Variants in ANKRD36C observed in about 807,000 individuals in gnomAD.
ANKRD36C encodes ankyrin repeat domain-containing protein 36C.
Under a neutral mutation model 276.4 loss-of-function variants are expected in ANKRD36C, and 61 were observed. That is an observed-to-expected ratio of 0.22 (90% CI 0.18 to 0.27). The LOEUF is 0.27. ANKRD36C is among the 10% of genes least tolerant of loss of function. ANKRD36C has a pLI of 1.00. For missense variants in ANKRD36C, 1,447 were observed against 2,032.3 expected, an observed-to-expected ratio of 0.71 and a Z score of 5.54; for synonymous variants, 483 against 680.1, an observed-to-expected ratio of 0.71 and a Z score of 4.51.
intron 3 of ANKRD36C, among the ~76,000 whole-genome samples, chr2:95,984,963 G>A (rs1678998685): frequency 6.6e-6 from 1 of 152,078 alleles, no homozygotes; most frequent in African/African-American, 2.4e-5. Context: ...GTACTTAACT[G>A]ACATACTGAG....
intron 6 of ANKRD36C, among the ~76,000 whole-genome samples, chr2:95,971,755 A>T (rs1678705841): frequency 6.6e-6 from 1 of 152,156 alleles, no homozygotes; most frequent in African/African-American, 2.4e-5. Flanking sequence ...TGAACCATCT[A>T]TATAATTAAA....
In ANKRD36C at chr2:95,906,541, C is replaced by G. The variant is rs1158751866; in HGVS notation, c.2653+5703G>C. The G allele has an allele frequency of 9.2e-5, 21 of 228,356 alleles. 2 individuals are homozygous for G. Among genetic ancestry groups the G allele is most frequent in the Middle Eastern group, 1.2e-3 (1 of 852 alleles). The allele number at this position is 228,356 out of a possible 1,614,324, so 14.1% of individuals were successfully genotyped here. On this transcript the variant is annotated intron_variant, in intron 42 of 66. Coordinates refer to ENST00000456556, the Ensembl canonical transcript of ANKRD36C. ...CTCAGGCCTACTGAATCAGAATGTG[C>G]AGTTTCGACCAGCCCCCCACTGATT...
chr2:95,943,886 G>A (rs1001366453), intron 19 of ANKRD36C, among the ~76,000 whole-genome samples: 8 of 152,012 alleles, frequency 5.3e-5, no homozygotes, highest in African/African-American at 1.9e-4. Flanking sequence ...GTGTACGTGT[G>A]ATGATTTGAT....
At chr2:95,967,665 A>G (rs946880449) in intron 6 of ANKRD36C, among the ~76,000 whole-genome samples, 13 of 151,402 alleles carry the variant, frequency 8.6e-5, no homozygotes, top group East Asian at 1.9e-4. Flanking sequence ...GTGTGTGTGT[A>G]TATATATATA....
intron 19 of ANKRD36C, among the ~76,000 whole-genome samples, chr2:95,942,301 T>G (rs1677916092): frequency 6.6e-6 from 1 of 152,296 alleles, no homozygotes; most frequent in Non-Finnish European, 1.5e-5. Flanking sequence ...AAATTTCAAT[T>G]ATATATTTCT....
chr2:95,969,923 A>G (rs2918858), intron 6 of ANKRD36C, among the ~76,000 whole-genome samples: 5 of 151,704 alleles, frequency 3.3e-5, no homozygotes, highest in African/African-American at 1.2e-4. Flanking sequence ...AGATATATAT[A>G]TATTTTTATA....
Position 95,986,838 on chromosome 2 carries a change from A to T in ANKRD36C, c.399T>A (p.Thr133=), listed in dbSNP as rs1333700357. 2.5e-6 allele frequency: 4 copies of T among 1,611,864 alleles called. No homozygotes were observed. The African/African-American group carries it at 5.3e-5, about 22-fold the overall frequency. Residue 133 remains threonine (T), a synonymous_variant, in exon 3 of 67, where the codon ACT becomes ACA. Coordinates refer to ENST00000456556, the Ensembl canonical transcript of ANKRD36C. The stretch of plus-strand genomic sequence containing the variant: ...CATTATACACAGCGTAGTGCAGAGC[A>T]GTCCTTCCAAAGACATCCGTAATAT...
intron 3 of ANKRD36C, chr2:95,986,491 G>A: frequency 2.4e-6 from 1 of 417,590 alleles, no homozygotes; most frequent in Non-Finnish European, 4.1e-6. Flanking sequence ...CCCAAATTCA[G>A]TTGTCATGAA....
chr2:95,961,047 G>A (rs1678447654), intron 8 of ANKRD36C, among the ~76,000 whole-genome samples: 1 of 152,058 alleles, frequency 6.6e-6, no homozygotes, highest in South Asian at 2.1e-4. Context: ...TGTTTTTCAT[G>A]TAACACATCA....
At chr2:95,881,118 G>A (rs1488699958) in intron 56 of ANKRD36C, among the ~76,000 whole-genome samples, 2 of 152,194 alleles carry the variant, frequency 1.3e-5, no homozygotes, top group African/African-American at 4.8e-5. Flanking sequence ...TACACTTCAC[G>A]TGTCTTCAGT....
intron 12 of ANKRD36C, among the ~76,000 whole-genome samples, chr2:95,957,082 G>A (rs1173295730): frequency 6.6e-6 from 1 of 152,062 alleles, no homozygotes. Context: ...TTGTGAGGCT[G>A]AGGTGAGTGG....
chr2:95,895,997 T>G (rs1332305354), intron 44 of ANKRD36C, among the ~76,000 whole-genome samples: 1 of 148,094 alleles, frequency 6.8e-6, no homozygotes, highest in Non-Finnish European at 1.5e-5. Flanking sequence ...TACACCATTA[T>G]ACTAAAAACA....
At chr2:95,985,418 A>G (rs1236116239) in intron 3 of ANKRD36C, among the ~76,000 whole-genome samples, 2 of 152,214 alleles carry the variant, frequency 1.3e-5, no homozygotes, top group Non-Finnish European at 2.9e-5. Context: ...CCAGCAGCGT[A>G]TCAGTGTCTC....
chr2:95,867,837 T>C (rs1675714452), intron 59 of ANKRD36C, among the ~76,000 whole-genome samples: 1 of 149,720 alleles, frequency 6.7e-6, no homozygotes, highest in Non-Finnish European at 1.5e-5. Context: ...GGAACAAAGA[T>C]TAAGAGAATG....
At chr2:95,947,968 G>C (rs201154086) in intron 17 of ANKRD36C, among the ~76,000 whole-genome samples, 39 of 152,090 alleles carry the variant, frequency 2.6e-4, no homozygotes, top group Middle Eastern at 6.8e-3. Flanking sequence ...TCCACAATTT[G>C]TAATATTATT....
intron 60 of ANKRD36C, among the ~76,000 whole-genome samples, chr2:95,865,894 A>C (rs62156930): frequency 6.6e-6 from 1 of 152,080 alleles, no homozygotes; most frequent in Non-Finnish European, 1.5e-5. Context: ...GAAGTATTAA[A>C]TTGCTTTTGA....
At chr2:95,902,859 T>C in intron 42 of ANKRD36C, 27 bp downstream of exon 54, 9 of 1,546,548 alleles carry the variant, frequency 5.8e-6, no homozygotes, top group Non-Finnish European at 7.0e-6. Flanking sequence ...GGACTGAACA[T>C]GACATTAAAT....
chr2:95,873,693 G>A (rs1289524342), intron 59 of ANKRD36C, among the ~76,000 whole-genome samples: 1 of 152,216 alleles, frequency 6.6e-6, no homozygotes, highest in African/African-American at 2.4e-5. Context: ...TTAGGCAGGA[G>A]AAGGAAATAA....
At chr2:95,889,586 A>G (rs1221362736) in intron 48 of ANKRD36C, among the ~76,000 whole-genome samples, 11 of 151,446 alleles carry the variant, frequency 7.3e-5, no homozygotes, top group Non-Finnish European at 5.9e-5. Context: ...CTTTTTCCCA[A>G]TTTCAAAGTA....
Sources: allele counts gnomAD v4.1 joint callset (sites outside exome capture counted in the v4.1 genomes callset), GRCh38; gene constraint gnomAD v4.1.1; transcripts MANE v1.5; gene names NCBI Gene and HGNC (gene_info 2026-07-23, HGNC 2026-07-21).